PTPRM: variants seen among roughly 807,000 people sequenced by gnomAD.
The protein encoded by PTPRM is receptor-type tyrosine-protein phosphatase mu.
A neutral mutation model predicts 186.7 loss-of-function variants in PTPRM; 47 were observed. The ratio of observed to expected loss-of-function variants is 0.25; its 90% confidence interval spans 0.20 to 0.32. The LOEUF is 0.32. PTPRM is among the 10% of genes least tolerant of loss of function. The pLI is 1.00. For synonymous variants in PTPRM, 668 were observed against 674.9 expected (o/e 0.99, Z 0.16); for missense variants, 1,494 against 1,865.0 (o/e 0.80, Z 3.66).
chr18:8,395,545 C>T (rs2095841471), intron 32 of PTPRM, among the ~76,000 whole-genome samples: 1 of 152,188 alleles, frequency 6.6e-6, no homozygotes, highest in African/African-American at 2.4e-5. Context: ...CCACTCATCA[C>T]GAACCACTCT....
At chr18:7,594,251 T>C (rs1405459959) in intron 1 of PTPRM, among the ~76,000 whole-genome samples, 1 of 152,148 alleles carries the variant, frequency 6.6e-6, no homozygotes, top group Non-Finnish European at 1.5e-5. Flanking sequence ...CCTAGCACTT[T>C]GGGTGGATCA....
At chr18:7,574,055 G>A (rs908680052) in intron 1 of PTPRM, among the ~76,000 whole-genome samples, 1 of 152,182 alleles carries the variant, frequency 6.6e-6, no homozygotes, top group African/African-American at 2.4e-5. Context: ...TGTGACCTGA[G>A]ATTGGAGAAC....
chr18:8,067,809 G>C (rs553292360), intron 7 of PTPRM, among the ~76,000 whole-genome samples: 11 of 152,270 alleles, frequency 7.2e-5, no homozygotes, highest in African/African-American at 2.6e-4. Flanking sequence ...CTGAACTGGG[G>C]AATGTGGCCT....
At position 7,632,782 on chromosome 18, in the gene PTPRM, G is replaced by A. The variant is rs541403981; in HGVS notation, c.73+64891G>A. Among the ~76,000 whole-genome samples, 147 of 152,300 alleles carry A rather than the reference G, an allele frequency of 9.7e-4. 1 individual carries two copies. The highest frequency in any genetic ancestry group is 1.6e-3 in the Non-Finnish European group (107 of 68,022). Reference sequence around the variant, plus strand: ...TAGAATGGTCTCTCAGCAAAGCTACGTGCTGTTTACTGTAGGAATTAGCAT... The same window carrying A: ...TAGAATGGTCTCTCAGCAAAGCTACATGCTGTTTACTGTAGGAATTAGCAT... On this transcript the variant is annotated intron_variant, in intron 1 of 32. Coordinates refer to ENST00000580170, the MANE Select transcript of PTPRM (RefSeq NM_001105244.2).
chr18:8,225,441 AG>A (rs2094202196), intron 14 of PTPRM, among the ~76,000 whole-genome samples: 1 of 152,098 alleles, frequency 6.6e-6, no homozygotes, highest in Admixed American at 6.5e-5. Context: ...CTGGTACAAC[AG>A]GATGTTCTTA....
chr18:7,825,282 G>A (rs981011016), intron 2 of PTPRM, among the ~76,000 whole-genome samples: 5 of 152,104 alleles, frequency 3.3e-5, no homozygotes, highest in Admixed American at 1.3e-4. Context: ...AAGTGTTCAC[G>A]TTTTCAAGGG....
At chr18:8,196,866 T>A (rs2146783337) in intron 14 of PTPRM, among the ~76,000 whole-genome samples, 1 of 152,292 alleles carries the variant, frequency 6.6e-6, no homozygotes, top group Non-Finnish European at 1.5e-5. Flanking sequence ...CAAAATTGCC[T>A]AAAGTGCGTG....
intron 7 of PTPRM, among the ~76,000 whole-genome samples, chr18:7,979,652 A>C (rs2147418490): frequency 6.6e-6 from 1 of 152,282 alleles, no homozygotes; most frequent in Admixed American, 6.5e-5. Context: ...CGTTTTTAAT[A>C]TAATAGAAGA....
chr18:7,785,684 G>A (rs1451746669), intron 2 of PTPRM, among the ~76,000 whole-genome samples: 1 of 152,178 alleles, frequency 6.6e-6, no homozygotes, highest in African/African-American at 2.4e-5. Flanking sequence ...TGCATTGAAA[G>A]TGTTTATTTA....
intron 7 of PTPRM, among the ~76,000 whole-genome samples, chr18:8,006,849 C>T (rs77771902): frequency 0.015 from 2,220 of 152,274 alleles, 24 homozygotes; most frequent in Non-Finnish European, 0.018. Flanking sequence ...TGGATTTTCT[C>T]CAACAAGTCA....
intron 1 of PTPRM, among the ~76,000 whole-genome samples, chr18:7,662,608 TA>T (rs566153964): frequency 1.3e-5 from 2 of 151,474 alleles, no homozygotes; most frequent in Non-Finnish European, 2.9e-5. Flanking sequence ...TAAAGAGTAC[TA>T]AAAAAAATAG....
intron 5 of PTPRM, among the ~76,000 whole-genome samples, chr18:7,942,910 TAGAG>T (rs2052281543): frequency 6.6e-6 from 1 of 152,280 alleles, no homozygotes; most frequent in South Asian, 2.1e-4. Context: ...ATGGGGCTGA[TAGAG>T]AGCCTGATGT....
At chr18:7,675,004 C>T (rs1383078057) in intron 1 of PTPRM, among the ~76,000 whole-genome samples, 4 of 152,170 alleles carry the variant, frequency 2.6e-5, no homozygotes, top group Non-Finnish European at 4.4e-5. Context: ...TAGATCTAGC[C>T]TGTGATTCTT....
chr18:8,261,388 A>G (rs897439328), intron 19 of PTPRM, among the ~76,000 whole-genome samples: 5 of 152,156 alleles, frequency 3.3e-5, no homozygotes, highest in Non-Finnish European at 5.9e-5. Context: ...AGCCAGGTCC[A>G]TAAGAAAATG....
intron 1 of PTPRM, among the ~76,000 whole-genome samples, chr18:7,688,734 T>A (rs1294584207): frequency 6.6e-6 from 1 of 152,216 alleles, no homozygotes; most frequent in African/African-American, 2.4e-5. Flanking sequence ...GTTTGACTTT[T>A]GTTGGAACAT....
chr18:8,038,593 T>C (rs1213662965), intron 7 of PTPRM, among the ~76,000 whole-genome samples: 1 of 152,140 alleles, frequency 6.6e-6, no homozygotes, highest in East Asian at 1.9e-4. Context: ...GGTTTCAACT[T>C]GTTGGCCAGG....
At chr18:8,055,239 A>C (rs775507291) in intron 7 of PTPRM, among the ~76,000 whole-genome samples, 3 of 152,036 alleles carry the variant, frequency 2.0e-5, no homozygotes, top group Admixed American at 2.0e-4. Context: ...CCTGTGTTCT[A>C]CTTCTGGAAT....
intron 7 of PTPRM, among the ~76,000 whole-genome samples, chr18:8,050,883 C>A (rs1318845483): frequency 1.3e-5 from 2 of 152,034 alleles, no homozygotes; most frequent in African/African-American, 4.8e-5. Context: ...CATTTCATAT[C>A]TAGCACTAAG....
Position 8,225,582 on chromosome 18 carries a change from C to A in PTPRM, c.2301-18476C>A, listed in dbSNP as rs190186575. Among the ~76,000 whole-genome samples the A allele has an allele frequency of 3.7e-3, 564 of 152,280 alleles. 1 individual carries two copies. Among genetic ancestry groups the A allele is most frequent in the African/African-American group, 0.013 (522 of 41,554 alleles). Reference sequence around the variant, plus strand: ...ACAAGGGGAGCTCATTGAAGTGGGTCAGCCGTTGCTTCTAGGCTCACATCA... The same window carrying A: ...ACAAGGGGAGCTCATTGAAGTGGGTAAGCCGTTGCTTCTAGGCTCACATCA... On this transcript the variant is annotated intron_variant, in intron 14 of 32. Transcript: ENST00000580170.
Sources: allele counts gnomAD v4.1 joint callset (sites outside exome capture counted in the v4.1 genomes callset), GRCh38; gene constraint gnomAD v4.1.1; transcripts MANE v1.5; gene names NCBI Gene and HGNC (gene_info 2026-07-23, HGNC 2026-07-21).